The following ADGRA3 variants were observed in gnomAD, a reference collection of about 807,000 sequenced individuals.
The protein encoded by ADGRA3 is adhesion G protein-coupled receptor A3, also known as G-protein coupled receptor 125.
Under a neutral mutation model 119.8 loss-of-function variants are expected in ADGRA3, and 56 were observed. That is an observed-to-expected ratio of 0.47 (90% CI 0.38 to 0.58). The LOEUF is 0.58. Among genes scored for constraint, ADGRA3 ranks in the 20% least tolerant of loss-of-function variants. The pLI is 0.00. For synonymous variants in ADGRA3, 607 were observed against 623.8 expected (o/e 0.97, Z 0.40); for missense variants, 1,516 against 1,649.0 (o/e 0.92, Z 1.40).
chr4:22,487,482 C>T (rs1438526036), intron 1 of ADGRA3, among the ~76,000 whole-genome samples: 1 of 152,156 alleles, frequency 6.6e-6, no homozygotes, highest in African/African-American at 2.4e-5. Flanking sequence ...TGCTTGCTCA[C>T]CCGCCACTCA....
chr4:22,453,739 T>C (rs1717145271), intron 4 of ADGRA3, among the ~76,000 whole-genome samples: 1 of 152,216 alleles, frequency 6.6e-6, no homozygotes, highest in Admixed American at 6.5e-5. Context: ...TGGCTTCCTA[T>C]TGTTTAGTCA....
rs56918685 is a variant in ADGRA3 at position 22,397,175 on chromosome 4, C to CTTTTT, written c.2481+4251_2481+4255dup. Reference sequence around the variant, plus strand: ...CACCAGTGAATCAACTACTGTAATTCTTTTTTTTTTTTTTTTTTTTTTTTT... The same window carrying CTTTTT: ...CACCAGTGAATCAACTACTGTAATTCTTTTTTTTTTTTTTTTTTTTTTTTTTTTTT... On this transcript the variant is annotated intron_variant, in intron 16 of 18. Transcript: ENST00000334304. 1.2e-3 allele frequency among the ~76,000 whole-genome samples: 110 copies of CTTTTT among 93,212 alleles called. 1 individual carries two copies. The highest frequency in any genetic ancestry group is 6.5e-3 in the East Asian group (21 of 3,210). 61.2% of individuals were successfully genotyped at this position (93,212 alleles called of 152,430 possible).
intron 3 of ADGRA3, among the ~76,000 whole-genome samples, chr4:22,460,777 A>G (rs1039715287): frequency 2.0e-5 from 3 of 152,208 alleles, no homozygotes; most frequent in African/African-American, 7.2e-5. Context: ...GGTAGAGGGA[A>G]AATTATTTTT....
Position 22,506,332 on chromosome 4 carries a change from C to T in ADGRA3, c.257+9196G>A, listed in dbSNP as rs10027647. Among the ~76,000 whole-genome samples the T allele has an allele frequency of 3.2e-4, 49 of 152,242 alleles. No homozygotes were observed. In the East Asian group the frequency reaches 3.7e-3, roughly 11 times the overall value. Reference sequence around the variant, plus strand: ...CTTTGGGAGGCCAAGGTGCACCAATCACTTGAAGTCAGGAGTTCAAGACCA... The same window carrying T: ...CTTTGGGAGGCCAAGGTGCACCAATTACTTGAAGTCAGGAGTTCAAGACCA... On this transcript the variant is annotated intron_variant, in intron 1 of 18. Coordinates refer to ENST00000334304, the MANE Select transcript of ADGRA3 (RefSeq NM_145290.4).
intron 1 of ADGRA3, among the ~76,000 whole-genome samples, chr4:22,496,083 C>T (rs1045002653): frequency 6.6e-6 from 1 of 152,096 alleles, no homozygotes; most frequent in Admixed American, 6.6e-5. Context: ...ATATACATCA[C>T]CTTCTTGCCA....
chr4:22,436,606 A>T lies in ADGRA3; in HGVS notation c.1121T>A (p.Leu374Gln), dbSNP rs1289761104. ...GCCATGGGTGTTCCGCGTACACTGCAGATATGCAGTAATGCCTGCCAATGT... is the reference window on the plus strand; with the variant it reads ...GCCATGGGTGTTCCGCGTACACTGCTGATATGCAGTAATGCCTGCCAATGT... ...PRTLAGITAYLQCTRNTHGSG... is the reference protein window; with the variant it reads ...PRTLAGITAYQQCTRNTHGSG... The change falls in exon 9 of 19, where the codon CTG becomes CAG. Residue 374 changes from leucine (L) to glutamine (Q), a missense_variant. By Grantham distance (113) the Leu-to-Gln change is moderately radical. Around this residue, in one of 2 missense-constraint regions of ADGRA3, gnomAD observed 428 missense variants for 541.9 expected, o/e 0.79. Coordinates refer to ENST00000334304, the MANE Select transcript of ADGRA3 (RefSeq NM_145290.4). 6.2e-7 allele frequency: 1 copy of T among 1,614,130 alleles called. No homozygotes were observed. The highest frequency in any genetic ancestry group is 8.5e-7 in the Non-Finnish European group (1 of 1,179,994).
chr4:22,416,109 A>T (rs1715419733), intron 12 of ADGRA3, among the ~76,000 whole-genome samples: 1 of 152,220 alleles, frequency 6.6e-6, no homozygotes, highest in South Asian at 2.1e-4. Context: ...AATGTTGATC[A>T]TTATTTACAG....
chr4:22,464,689 C>T (rs1477629391), intron 2 of ADGRA3, among the ~76,000 whole-genome samples: 1 of 152,172 alleles, frequency 6.6e-6, no homozygotes, highest in Non-Finnish European at 1.5e-5. Context: ...AGAGTCAACC[C>T]ATGAAGGTCA....
At chr4:22,429,001 C>T (rs979245636) in intron 10 of ADGRA3, among the ~76,000 whole-genome samples, 7 of 152,066 alleles carry the variant, frequency 4.6e-5, no homozygotes, top group African/African-American at 1.2e-4. Context: ...GATTATTGCA[C>T]ATAAGGCATG....
chr4:22,421,881 CAAAAAAAAAAAAAAA>C (rs754845592), intron 11 of ADGRA3, among the ~76,000 whole-genome samples: 3 of 70,442 alleles, frequency 4.3e-5, no homozygotes, highest in Non-Finnish European at 7.3e-5. Flanking sequence ...ACTCAGTCTC[CAAAAAAAAAAAAAAA>C]AAAAAAAAAA....
At chr4:22,494,736 ATCT>A (rs1718751932) in intron 1 of ADGRA3, among the ~76,000 whole-genome samples, 1 of 151,988 alleles carries the variant, frequency 6.6e-6, no homozygotes, top group Non-Finnish European at 1.5e-5. Flanking sequence ...TTCTAATTAA[ATCT>A]TCTGTGTGTT....
intron 1 of ADGRA3, among the ~76,000 whole-genome samples, chr4:22,493,630 G>A (rs1006241289): frequency 5.9e-5 from 9 of 152,112 alleles, no homozygotes; most frequent in East Asian, 3.9e-4. Flanking sequence ...ACTTTTTACC[G>A]AAGGTGGGGC....
intron 6 of ADGRA3, chr4:22,443,175 G>C: frequency 1.6e-6 from 1 of 626,550 alleles, no homozygotes; most frequent in East Asian, 2.8e-5. Flanking sequence ...AATGGCATCA[G>C]TGATAAGTAA....
At chr4:22,407,184 T>C (rs1262254090) in intron 14 of ADGRA3, among the ~76,000 whole-genome samples, 1 of 152,126 alleles carries the variant, frequency 6.6e-6, no homozygotes, top group East Asian at 1.9e-4. Context: ...GGCAGAAGAA[T>C]GGCGTGAACC....
At chr4:22,424,410 T>C (rs1715847868) in intron 10 of ADGRA3, 58 bp from the exon 11 acceptor site, 14 of 1,555,278 alleles carry the variant, frequency 9.0e-6, no homozygotes, top group Middle Eastern at 2.1e-4. Context: ...AACTATTTCG[T>C]AGAATCAAAA....
Position 22,420,498 on chromosome 4 carries a change from A to G in ADGRA3, c.1809+388T>C, listed in dbSNP as rs555411042. The G allele has an allele frequency of 1.7e-5, 4 of 235,840 alleles. No homozygotes were observed. In the East Asian group the frequency reaches 3.9e-4, roughly 23 times the overall value. 14.6% of individuals were successfully genotyped at this position (235,840 alleles called of 1,614,324 possible). A position where few individuals can be genotyped will look rare whatever the true frequency, so the allele number is the denominator to read the frequency against. Reference sequence around the variant, plus strand: ...ACTAGGCTTGGCAGGCGCAGTGCCAAAGGCTCATGATACTTTTAGGGGCCC... The same window carrying G: ...ACTAGGCTTGGCAGGCGCAGTGCCAGAGGCTCATGATACTTTTAGGGGCCC... On this transcript the variant is annotated intron_variant, in intron 12 of 18. Coordinates refer to ENST00000334304, the MANE Select transcript of ADGRA3 (RefSeq NM_145290.4).
chr4:22,438,159 A>C, intron 8 of ADGRA3, 97 bp downstream of exon 8: 1 of 941,798 alleles, frequency 1.1e-6, no homozygotes, highest in Non-Finnish European at 1.6e-6. Context: ...CAGTTCTCAA[A>C]TTTTGTTACT....
chr4:22,456,160 T>C (rs868842105), intron 3 of ADGRA3, among the ~76,000 whole-genome samples: 2 of 152,224 alleles, frequency 1.3e-5, no homozygotes, highest in Non-Finnish European at 2.9e-5. Context: ...AACATAATGT[T>C]TGAATCAGGT....
intron 1 of ADGRA3, among the ~76,000 whole-genome samples, chr4:22,492,162 A>T (rs965210266): frequency 6.6e-6 from 1 of 152,192 alleles, no homozygotes; most frequent in African/African-American, 2.4e-5. Flanking sequence ...GAGGGAATGC[A>T]GGAATGCGGA....
Sources: gnomAD v4.1 joint callset for allele counts (sites outside exome capture counted in the v4.1 genomes callset) on GRCh38, gnomAD v4.1.1 for gene constraint, gnomAD v4.1.1 regional missense constraint, MANE v1.5 for transcripts, NCBI Gene and HGNC (gene_info 2026-07-23, HGNC 2026-07-21) for gene names.